Variants in TRIM40 observed in about 807,000 individuals in gnomAD.
The protein encoded by TRIM40 is E3 ubiquitin ligase TRIM40.
A neutral mutation model predicts 26.1 loss-of-function variants in TRIM40; 27 were observed. The observed-to-expected ratio is 1.04, with a 90% CI of 0.76 to 1.43. TRIM40 has a LOEUF of 1.43. TRIM40 is among the 40% of genes most tolerant of loss of function. TRIM40 has a pLI of 0.00. For missense variants in TRIM40, 289 were observed against 307.9 expected, an observed-to-expected ratio of 0.94 and a Z score of 0.46; for synonymous variants, 114 against 120.0, an observed-to-expected ratio of 0.95 and a Z score of 0.33.
Position 30,136,835 on chromosome 6 carries a change from T to G in TRIM40, c.-202T>G. 1 of 588,082 alleles carries G rather than the reference T, an allele frequency of 1.7e-6. No individual in the cohort carries two copies. The highest frequency in any genetic ancestry group is 3.0e-6 in the Non-Finnish European group (1 of 331,136). The allele number at this position is 588,082 out of a possible 1,614,324, so 36.4% of individuals were successfully genotyped here. A position where few individuals can be genotyped will look rare whatever the true frequency, so the allele number is the denominator to read the frequency against. On this transcript the variant is annotated 5_prime_UTR_variant, in exon 2 of 6. Coordinates refer to ENST00000396581, the MANE Select transcript of TRIM40 (RefSeq NM_001286633.2). ...GAAACTCGTGCAGAATTGTGGTTTG[T>G]GTGGTCTATGTCACGGCACCCTTGA...
In TRIM40 at chr6:30,136,206, G is replaced by A. The variant is rs1422470047; in HGVS notation, c.-305+17G>A. ...GAAATTGAGGTAGGATACTAAGAAA[G>A]CTTTTCAGGAGTGGGGCTAGGCAAG... On this transcript the variant is annotated intron_variant, in intron 1 of 5. Coordinates refer to ENST00000396581, the MANE Select transcript of TRIM40 (RefSeq NM_001286633.2). 2.6e-5 allele frequency: 4 copies of A among 152,298 alleles called. No homozygotes were observed. Among genetic ancestry groups the A allele is most frequent in the Non-Finnish European group, 5.9e-5 (4 of 68,082 alleles). 9.4% of individuals were successfully genotyped at this position (152,298 alleles called of 1,614,324 possible). A position where few individuals can be genotyped will look rare whatever the true frequency, so the allele number is the denominator to read the frequency against.
intron 2 of TRIM40, among the ~76,000 whole-genome samples, chr6:30,139,855 G>A (rs1771243542): frequency 6.6e-6 from 1 of 152,144 alleles, no homozygotes; most frequent in African/African-American, 2.4e-5. Flanking sequence ...CTTACTGAGA[G>A]ATTAGAAGTG....
intron 2 of TRIM40, among the ~76,000 whole-genome samples, chr6:30,141,986 A>T (rs891031644): frequency 6.6e-6 from 1 of 152,200 alleles, no homozygotes; most frequent in African/African-American, 2.4e-5. Flanking sequence ...GTTGTCTGAA[A>T]AGTAACACAG....
chr6:30,147,051 C>T lies in TRIM40; in HGVS notation c.508C>T (p.Gln170Ter), dbSNP rs375791029. ...GPESQHQTRE[Q>*]LGALPQQWLG... ...GGAGAGCCAGCACCAAACCAGGGAA[C>T]AGCTGGGTGCCCTCCCTCAGCAGTG... Residue 170 changes from glutamine (Q) to a stop codon, truncating the protein, a stop_gained, in exon 4 of 6, where the codon CAG (glutamine) becomes TAG (stop). Coordinates refer to ENST00000396581, the MANE Select transcript of TRIM40 (RefSeq NM_001286633.2). LOFTEE classifies it high-confidence loss of function. 2.0e-5 allele frequency: 33 copies of T among 1,613,594 alleles called. 2 individuals carry two copies. The South Asian group carries it at 3.4e-4, about 17-fold the overall frequency.
At chr6:30,137,535 T>A (rs1771092390) in intron 2 of TRIM40, among the ~76,000 whole-genome samples, 154 bp downstream of exon 2, 1 of 152,230 alleles carries the variant, frequency 6.6e-6, no homozygotes, top group Non-Finnish European at 1.5e-5. Context: ...TTGTCTTGCT[T>A]TTCTGTGTAT....
At chr6:30,147,387 A>T in intron 4 of TRIM40, 133 bp from the exon 5 acceptor site, 3 of 1,419,776 alleles carry the variant, frequency 2.1e-6, no homozygotes, top group Non-Finnish European at 2.0e-6. Context: ...GGCACAGAAG[A>T]GGGGTGTTGC....
At chr6:30,138,362 G>A (rs780410977) in intron 2 of TRIM40, among the ~76,000 whole-genome samples, 10 of 152,192 alleles carry the variant, frequency 6.6e-5, no homozygotes, top group Non-Finnish European at 1.5e-4. Flanking sequence ...TTTGGTGAGA[G>A]CATAAGGTAG....
At chr6:30,144,574 G>A (rs1313399323) in intron 2 of TRIM40, among the ~76,000 whole-genome samples, 2 of 152,170 alleles carry the variant, frequency 1.3e-5, no homozygotes, top group Admixed American at 1.3e-4. Context: ...AAAATGAAGA[G>A]GCAAAGAAGC....
Position 30,147,221 on chromosome 6 carries a change from G to T in TRIM40, c.666+12G>T, listed in dbSNP as rs755242023. ...CCAACACACTGAAGGTGCATACCCTGAGGCCTTCCCCAAGGGCTGGGATTC... is the reference window on the plus strand; with the variant it reads ...CCAACACACTGAAGGTGCATACCCTTAGGCCTTCCCCAAGGGCTGGGATTC... On this transcript the variant is annotated intron_variant, in intron 4 of 5. Coordinates refer to ENST00000396581, the MANE Select transcript of TRIM40 (RefSeq NM_001286633.2). The T allele has an allele frequency of 1.2e-6, 2 of 1,613,948 alleles. No homozygotes were observed. Among genetic ancestry groups the T allele is most frequent in the Non-Finnish European group, 1.7e-6 (2 of 1,179,840 alleles).
chr6:30,137,765 T>C (rs1771103793), intron 2 of TRIM40, among the ~76,000 whole-genome samples: 2 of 152,242 alleles, frequency 1.3e-5, no homozygotes, highest in Non-Finnish European at 1.5e-5. Context: ...GTAATTATCC[T>C]GCAAATATAT....
chr6:30,147,577 A>G (rs1326830654), intron 5 of TRIM40, 35 bp downstream of exon 5: 2 of 1,614,204 alleles, frequency 1.2e-6, no homozygotes, highest in Non-Finnish European at 8.5e-7. Context: ...CCACATGTGC[A>G]TATAAACCCA....
intron 2 of TRIM40, among the ~76,000 whole-genome samples, chr6:30,137,595 G>A (rs116689905): frequency 0.011 from 1,703 of 152,294 alleles, 24 homozygotes; most frequent in African/African-American, 0.034. Context: ...TCTAAAAGAG[G>A]ATATTGTCAG....
At chr6:30,138,074 CA>C (rs780348131) in intron 2 of TRIM40, among the ~76,000 whole-genome samples, 28,294 of 151,970 alleles carry the variant, frequency 0.19, 3,011 homozygotes, top group East Asian at 0.24. Flanking sequence ...CTTACACACA[CA>C]CACACACACA....
rs1771040985 is a variant in TRIM40, at chr6:30,137,013, G to A, written c.-24G>A. The A allele has an allele frequency of 1.9e-6, 3 of 1,600,078 alleles. No individual in the cohort carries two copies. Among genetic ancestry groups the A allele is most frequent in the Non-Finnish European group, 2.6e-6 (3 of 1,171,526 alleles). ...GAAGAAGGAGGCCCTGCAAACAGGA[G>A]GCTGACAGGGTAGGAACGAGGCCAT... On this transcript the variant is annotated 5_prime_UTR_variant, in exon 2 of 6. Coordinates refer to ENST00000396581, the MANE Select transcript of TRIM40 (RefSeq NM_001286633.2).
chr6:30,146,063 CAGG>C lies in TRIM40; in HGVS notation c.418_420del (p.Glu140del), dbSNP rs1374405519. The stretch of plus-strand genomic sequence containing the variant: ...AGAACTTCAGCGGCTCAAGGCTCAG[CAGG>C]AGAAGAAACTGCAGGCTCTGCAGGT... On this transcript the variant is annotated inframe_deletion, in exon 3 of 6. Transcript: ENST00000396581. 4.3e-6 allele frequency: 7 copies of C among 1,612,988 alleles called. No individual in the cohort carries two copies. The highest frequency in any genetic ancestry group is 4.5e-5 in the East Asian group (2 of 44,876).
Position 30,147,537 on chromosome 6 carries a change from G to A in TRIM40, c.684G>A (p.Leu228=). Residue 228 remains leucine (L), a synonymous_variant, in exon 5 of 6, where the codon CTG becomes CTA. Transcript: ENST00000396581. The part of the protein sequence containing the change: ...TNTLKNAGDL[L]NRSAPQKLEV... ...TCTCCTAGAATGCTGGTGACTTACT[G>A]AACAGGTACGAGCTGTCCCTTCTTC... The A allele has an allele frequency of 6.2e-6, 10 of 1,614,130 alleles. No individual in the cohort carries two copies. The highest frequency in any genetic ancestry group is 8.5e-6 in the Non-Finnish European group (10 of 1,180,034).
At chr6:30,145,694 G>A (rs1541324) in intron 2 of TRIM40, among the ~76,000 whole-genome samples, 33,509 of 152,028 alleles carry the variant, frequency 0.22, 4,039 homozygotes, top group Admixed American at 0.25. Flanking sequence ...TATAACTTTT[G>A]TATGTTGAGA....
intron 3 of TRIM40, among the ~76,000 whole-genome samples, chr6:30,146,490 C>A (rs1343497044): frequency 6.6e-6 from 1 of 152,100 alleles, no homozygotes; most frequent in Non-Finnish European, 1.5e-5. Flanking sequence ...CCGCTCACTG[C>A]AAGCTCCGCC....
chr6:30,145,994 G>A lies in TRIM40; in HGVS notation c.346G>A (p.Glu116Lys). Residue 116 changes from glutamate to lysine, a missense_variant and splice_region_variant, in exon 3 of 6, where the codon GAA becomes AAA. Physicochemically the swap from Glu to Lys is moderately conservative, Grantham distance 56. Coordinates refer to ENST00000396581, the MANE Select transcript of TRIM40 (RefSeq NM_001286633.2). ...CAAGCAGGTGTGTCTGTCTCTTTAG[G>A]AACGACTCAATCGCCGGAGCAGGAA... ...TIENALSHYK[E>K]RLNRRSRKLR... The A allele has an allele frequency of 6.2e-7, 1 of 1,612,906 alleles. No individual in the cohort carries two copies. Among genetic ancestry groups the A allele is most frequent in the Non-Finnish European group, 8.5e-7 (1 of 1,179,962 alleles).
Sources: gnomAD v4.1 joint callset for allele counts (sites outside exome capture counted in the v4.1 genomes callset) on GRCh38, gnomAD v4.1.1 for gene constraint, MANE v1.5 for transcripts, NCBI Gene and HGNC (gene_info 2026-07-23, HGNC 2026-07-21) for gene names.